The following SETD9 variants were observed in gnomAD, a reference collection of about 807,000 sequenced individuals.
The protein encoded by SETD9 is SET domain containing 9.
In SETD9, 37 loss-of-function variants were observed where a neutral mutation model predicts 36.4. That is an observed-to-expected ratio of 1.02 (90% confidence interval 0.78 to 1.34). SETD9 has a LOEUF of 1.34. Among genes scored for constraint, SETD9 ranks in the 40% most tolerant of loss-of-function variants. SETD9 has a pLI of 0.00. For missense variants in SETD9, 323 were observed against 353.2 expected (o/e 0.91, Z 0.69); for synonymous variants, 128 against 132.9 (o/e 0.96, Z 0.26).
downstream of SETD9, among the ~76,000 whole-genome samples, chr5:56,927,723 G>A (rs923120036): frequency 2.6e-5 from 4 of 151,930 alleles, no homozygotes; most frequent in East Asian, 3.9e-4. Flanking sequence ...ACATCAACAC[G>A]CAAAGACCAT....
chr5:56,920,775 T>C (rs888969225), downstream of SETD9: 1 of 152,262 alleles, frequency 6.6e-6, no homozygotes, highest in Non-Finnish European at 1.5e-5. Flanking sequence ...CAGAAAATAT[T>C]GAATTAGATC....
intron 1 of SETD9, 29 bp downstream of exon 1, chr5:56,909,772 G>T: frequency 1.9e-6 from 3 of 1,589,656 alleles, no homozygotes; most frequent in Non-Finnish European, 2.6e-6. Context: ...AGAACGAGGG[G>T]CACCTGCCTT....
At chr5:56,925,499 C>T (rs1749924609) in exon 6 of SETD9, 1 of 276,718 alleles carries the variant, frequency 3.6e-6, no homozygotes, top group South Asian at 3.4e-5. Context: ...AAACACAAGA[C>T]CATTTACATT....
chr5:56,923,549 G>T lies in SETD9; in HGVS notation c.813-1784G>T, dbSNP rs1420321337. ...GCTATCATCCAAACAATTCACATCTGTGGGGTCGCAGACGGTTGCTACACT... is the reference window on the plus strand; with the variant it reads ...GCTATCATCCAAACAATTCACATCTTTGGGGTCGCAGACGGTTGCTACACT... On this transcript the variant is annotated intron_variant, in intron 5 of 5. Coordinates refer to the SETD9 transcript ENST00000628593. 1.9e-6 allele frequency: 3 copies of T among 1,613,972 alleles called. No homozygotes were observed. Among genetic ancestry groups the T allele is most frequent in the African/African-American group, 1.3e-5 (1 of 74,924 alleles).
chr5:56,922,466 GCA>G (rs543990409), intron 5 of SETD9: 2 of 152,678 alleles, frequency 1.3e-5, no homozygotes, highest in Non-Finnish European at 2.9e-5. Context: ...TTCATTATTT[GCA>G]CACAGTTCCT....
chr5:56,910,977 T>C (rs1486544809), intron 1 of SETD9, 192 bp from the exon 2 acceptor site: 5 of 479,640 alleles, frequency 1.0e-5, no homozygotes, highest in Non-Finnish European at 1.8e-5. Context: ...TACTGACTAC[T>C]TGGGTGGGAA....
downstream of SETD9, among the ~76,000 whole-genome samples, chr5:56,919,092 T>A (rs1441944252): frequency 6.6e-6 from 1 of 151,782 alleles, no homozygotes; most frequent in Non-Finnish European, 1.5e-5. Context: ...GTTTCCTGAA[T>A]TAAACTAAAA....
intron 2 of SETD9, chr5:56,912,130 G>A (rs983895034): frequency 1.0e-6 from 1 of 955,812 alleles, no homozygotes; most frequent in African/African-American, 1.8e-5. Flanking sequence ...GCTCCAGCCT[G>A]GGTGACAGTG....
At position 56,913,129 on chromosome 5, in the gene SETD9, G is replaced by T; in HGVS notation, c.585G>T (p.Val195=). 1.2e-6 allele frequency: 2 copies of T among 1,613,934 alleles called. No homozygotes were observed. Among genetic ancestry groups the T allele is most frequent in the African/African-American group, 2.7e-5 (2 of 75,052 alleles). The part of the protein sequence containing the change: ...DGNDKGISKV[V]YRSCNGRDRL... ...ATGACAAAGGGATATCAAAAGTTGTGTACAGGTAAGTGATGCCCATGTTCA... is the reference window on the plus strand; with the variant it reads ...ATGACAAAGGGATATCAAAAGTTGTTTACAGGTAAGTGATGCCCATGTTCA... The change falls in exon 3 of 6, where the codon GTG becomes GTT. Residue 195 remains valine, a synonymous_variant. Transcript: ENST00000285947.
intron 1 of SETD9, 169 bp downstream of exon 1, chr5:56,909,912 C>T: frequency 1.0e-6 from 1 of 977,318 alleles, no homozygotes; most frequent in Admixed American, 3.1e-5. Flanking sequence ...GGACTGAGGC[C>T]TCGGAGGGGT....
chr5:56,926,719 G>A (rs115656194), downstream of SETD9, among the ~76,000 whole-genome samples: 3,249 of 152,126 alleles, frequency 0.021, 132 homozygotes, highest in African/African-American at 0.073. Context: ...TTACTCCTTC[G>A]TATTTGGACA....
chr5:56,909,561 C>A, upstream of SETD9: 6 of 1,070,722 alleles, frequency 5.6e-6, no homozygotes, highest in Non-Finnish European at 7.8e-6. Flanking sequence ...CCGAGCGCGG[C>A]CCCCTCTCCT....
chr5:56,922,751 C>T (rs1374075551), intron 5 of SETD9: 2 of 218,808 alleles, frequency 9.1e-6, no homozygotes, highest in African/African-American at 4.5e-5. Context: ...TTCAGAACAT[C>T]TGTGCTGGTT....
chr5:56,916,782 T>C, intron 5 of SETD9, 33 bp from the exon 6 acceptor site: 1 of 1,592,496 alleles, frequency 6.3e-7, no homozygotes, highest in Non-Finnish European at 8.5e-7. Flanking sequence ...TATTTGTTAA[T>C]GCTCTACCTT....
downstream of SETD9, chr5:56,917,384 G>A (rs1361519091): frequency 2.2e-6 from 2 of 902,082 alleles, no homozygotes; most frequent in East Asian, 2.4e-4. Context: ...GATTGCTCTA[G>A]CTGGCTGAGG....
At chr5:56,912,380 T>C (rs2112016406) in intron 2 of SETD9, 2 of 411,650 alleles carry the variant, frequency 4.9e-6, no homozygotes, top group Non-Finnish European at 6.5e-6. Context: ...TTGAGTCAGA[T>C]AGACCCAGGT....
chr5:56,916,853 T>A lies in SETD9; in HGVS notation c.851T>A (p.Ile284Asn). ...GTTGTTCTTGTCGCACTTAGGGACA[T>A]CAATCAAGGAGAAGAGCTTTTTTCA... ...RCVVLVALRD[I>N]NQGEELFSNY... The change falls in exon 6 of 6, where the codon ATC (isoleucine) becomes AAC (asparagine). Residue 284 changes from isoleucine (I) to asparagine (N), a missense_variant. Transcript: ENST00000285947. The A allele has an allele frequency of 1.2e-6, 2 of 1,608,524 alleles. No individual in the cohort carries two copies. Among genetic ancestry groups the A allele is most frequent in the South Asian group, 2.2e-5 (2 of 89,066 alleles).
At chr5:56,924,418 A>T (rs545069388) in intron 5 of SETD9, among the ~76,000 whole-genome samples, 1 of 152,342 alleles carries the variant, frequency 6.6e-6, no homozygotes, top group African/African-American at 2.4e-5. Context: ...TGGATTAACT[A>T]ACCCCTGAGG....
rs575788115 is a variant in SETD9, at chr5:56,911,376, CA to C, written c.307del (p.Arg103AspfsTer29). The C allele has an allele frequency of 1.7e-4, 267 of 1,613,260 alleles. 1 individual carries two copies. The highest frequency in any genetic ancestry group is 1.3e-3 in the Middle Eastern group (8 of 6,060). ...EHQGVKLLEN[R>X]HQQQSTFKPE... ...ATCAAGGGGTGAAACTGCTTGAAAA[CA>C]GACATCAACAGCAAAGTACCTTTAA... On this transcript the variant is annotated frameshift_variant, in exon 2 of 6. Coordinates refer to ENST00000285947, the MANE Select transcript of SETD9 (RefSeq NM_153706.4). LOFTEE classifies it high-confidence loss of function.
Sources: gnomAD v4.1 joint callset for allele counts (sites outside exome capture counted in the v4.1 genomes callset) on GRCh38, gnomAD v4.1.1 for gene constraint, MANE v1.5 for transcripts, NCBI Gene and HGNC (gene_info 2026-07-23, HGNC 2026-07-21) for gene names.